PCDHGB3: variants seen among roughly 807,000 people sequenced by gnomAD.
PCDHGB3 encodes the protein protocadherin gamma-B3.
Under a neutral mutation model 59.2 loss-of-function variants are expected in PCDHGB3, and 40 were observed. The observed-to-expected ratio is 0.68, with a 90% CI of 0.52 to 0.88. The LOEUF (loss-of-function observed/expected upper bound fraction) is 0.88, where lower values mean the gene tolerates loss of function less well. Ranked by LOEUF, PCDHGB3 falls within the 40% of genes least tolerant of loss-of-function variation. The probability of loss-of-function intolerance (pLI) is 0.00; values close to 1 mark genes in which losing one functional copy is unlikely to be tolerated. For missense variants in PCDHGB3, 1,309 were observed against 1,187.9 expected (o/e 1.10, Z -1.50); for synonymous variants, 581 against 503.6 (o/e 1.15, Z -2.06).
intron 1 of PCDHGB3, chr5:141,414,597 C>G: frequency 6.2e-7 from 1 of 1,613,972 alleles, no homozygotes; most frequent in South Asian, 1.1e-5. Context: ...GGGGTGCCTC[C>G]ATCTTCTCAG....
intron 1 of PCDHGB3, among the ~76,000 whole-genome samples, chr5:141,483,547 G>A (rs1202182188): frequency 6.6e-6 from 1 of 152,140 alleles, no homozygotes. Context: ...GGTTGACAGT[G>A]CCATTCACAG....
At chr5:141,403,579 C>T in intron 1 of PCDHGB3, 2 of 1,613,926 alleles carry the variant, frequency 1.2e-6, no homozygotes, top group South Asian at 1.1e-5. Flanking sequence ...CTGCCCACCA[C>T]CTGGTCCTCA....
chr5:141,400,426 G>A (rs1346018954), intron 1 of PCDHGB3: 1 of 1,614,060 alleles, frequency 6.2e-7, no homozygotes, highest in Non-Finnish European at 8.5e-7. Flanking sequence ...AAAATGTAGT[G>A]AGCAATTGAG....
At chr5:141,472,066 T>C (rs1440684719) in intron 1 of PCDHGB3, among the ~76,000 whole-genome samples, 1 of 152,140 alleles carries the variant, frequency 6.6e-6, no homozygotes, top group African/African-American at 2.4e-5. Flanking sequence ...GACATGTCTG[T>C]GGTTATATCA....
At chr5:141,475,500 T>C (rs1393586791) in intron 1 of PCDHGB3, among the ~76,000 whole-genome samples, 1 of 152,248 alleles carries the variant, frequency 6.6e-6, no homozygotes, top group East Asian at 1.9e-4. Flanking sequence ...ACTGAAATTA[T>C]TAATGTCTCC....
chr5:141,394,208 C>A (rs972602841), intron 1 of PCDHGB3: 6 of 1,613,930 alleles, frequency 3.7e-6, no homozygotes, highest in Non-Finnish European at 5.1e-6. Context: ...TAGAGAACAA[C>A]CTGAGAGGAG....
At position 141,371,305 on chromosome 5, in the gene PCDHGB3, T is replaced by G; in HGVS notation, c.911T>G (p.Ile304Ser). The change falls in exon 1 of 4, where the codon ATT becomes AGT. Residue 304 changes from isoleucine (I) to serine (S), a missense_variant. Physicochemically the swap from Ile to Ser is moderately radical, Grantham distance 142. Coordinates refer to ENST00000576222, the MANE Select transcript of PCDHGB3 (RefSeq NM_018924.5). ...LDSKTGELTTIGELDFEERDS... is the reference protein window; with the variant it reads ...LDSKTGELTTSGELDFEERDS... Reference sequence around the variant, plus strand: ...AGTAAAACGGGGGAACTCACCACTATTGGAGAACTGGACTTTGAAGAGAGA... The same window carrying G: ...AGTAAAACGGGGGAACTCACCACTAGTGGAGAACTGGACTTTGAAGAGAGA... 6.2e-7 allele frequency: 1 copy of G among 1,613,940 alleles called. No homozygotes were observed. The highest frequency in any genetic ancestry group is 8.5e-7 in the Non-Finnish European group (1 of 1,179,866).
intron 1 of PCDHGB3, among the ~76,000 whole-genome samples, chr5:141,402,781 T>G (rs1456317365): frequency 1.3e-5 from 2 of 152,200 alleles, no homozygotes; most frequent in Non-Finnish European, 2.9e-5. Context: ...GATTTCCAGT[T>G]CTGCGGCTAC....
rs967535805 is a variant in PCDHGB3 at position 141,490,206 on chromosome 5, C to T, written c.2416-4601C>T. 2.4e-5 allele frequency: 38 copies of T among 1,614,050 alleles called. No homozygotes were observed. In the Admixed American group the frequency reaches 5.0e-4, roughly 21 times the overall value. ...GTTTCTATGAAATTCATGCAAGAGCCCGTGACCAGGGACAGCCTGCCATGG... is the reference window on the plus strand; with the variant it reads ...GTTTCTATGAAATTCATGCAAGAGCTCGTGACCAGGGACAGCCTGCCATGG... On this transcript the variant is annotated intron_variant, in intron 1 of 3. Coordinates refer to ENST00000576222, the MANE Select transcript of PCDHGB3 (RefSeq NM_018924.5). This position sits in a 1 kb window ranked among gnomAD's most constrained non-coding sequence, Gnocchi z 5.4.
In PCDHGB3 at chr5:141,512,809, A is replaced by C. The variant is rs2099884438; in HGVS notation, c.*1636A>C. ...GTGTTTTGTGCTGTGTCCACGCGCT[A>C]AGGCGACCCCCTCCCCCGTACTGAC... On this transcript the variant is annotated 3_prime_UTR_variant, in exon 4 of 4. Coordinates refer to ENST00000576222, the MANE Select transcript of PCDHGB3 (RefSeq NM_018924.5). 6.6e-6 allele frequency: 1 copy of C among 152,130 alleles called. No homozygotes were observed. The highest frequency in any genetic ancestry group is 2.4e-5 in the African/African-American group (1 of 41,404). The allele number at this position is 152,130 out of a possible 1,614,324, so 9.4% of individuals were successfully genotyped here. A position where few individuals can be genotyped will look rare whatever the true frequency, so the allele number is the denominator to read the frequency against.
chr5:141,418,810 A>G lies in PCDHGB3; in HGVS notation c.2415+46001A>G, dbSNP rs149866479. The G allele has an allele frequency of 4.9e-3, 7,975 of 1,613,892 alleles. 44 individuals carry two copies. Among genetic ancestry groups the G allele is most frequent in the Admixed American group, 9.4e-3 (567 of 60,018 alleles). On this transcript the variant is annotated intron_variant, in intron 1 of 3. Coordinates refer to ENST00000576222, the MANE Select transcript of PCDHGB3 (RefSeq NM_018924.5). ...TTGAAGAAGTAGAAAGATATACGAT[A>G]AACATAGAAGCAAAAGACCGAGGAT...
intron 1 of PCDHGB3, among the ~76,000 whole-genome samples, chr5:141,469,667 T>C (rs62379201): frequency 0.22 from 32,952 of 152,218 alleles, 3,707 homozygotes; most frequent in African/African-American, 0.28. Flanking sequence ...CTTGTTCTAA[T>C]AAAACTACAT....
intron 1 of PCDHGB3, among the ~76,000 whole-genome samples, chr5:141,462,030 T>C (rs1283795051): frequency 3.9e-5 from 6 of 152,122 alleles, no homozygotes; most frequent in Non-Finnish European, 8.8e-5. Flanking sequence ...TTCATGTTGG[T>C]CAGGCGGGTC....
Position 141,494,864 on chromosome 5 carries a change from G to T in PCDHGB3, c.2473G>T (p.Gly825Cys), listed in dbSNP as rs773899530. 12 of 1,613,950 alleles carry T rather than the reference G, an allele frequency of 7.4e-6. No individual in the cohort carries two copies. Among genetic ancestry groups the T allele is most frequent in the South Asian group, 1.1e-5 (1 of 91,080 alleles). ...TCAGGCCCAGAGACCCGGCACCAGC[G>T]GGTAGGTGACTGATTCTCCAGCCCA... Reference protein sequence around the residue: ...FSQAQRPGTSGSQNGDDTGTW... With the variant: ...FSQAQRPGTSCSQNGDDTGTW... Residue 825 changes from glycine to cysteine, a missense_variant and splice_region_variant, in exon 2 of 4, where the codon GGC becomes TGC. Physicochemically the swap from Gly to Cys is radical, Grantham distance 159 (BLOSUM62 -3). Coordinates refer to ENST00000576222, the MANE Select transcript of PCDHGB3 (RefSeq NM_018924.5).
intron 1 of PCDHGB3, chr5:141,375,382 T>C (rs1197726438): frequency 6.2e-7 from 1 of 1,613,986 alleles, no homozygotes; most frequent in Non-Finnish European, 8.5e-7. Flanking sequence ...CACCTCTGTC[T>C]ACAGAAACAA....
At chr5:141,461,757 G>A (rs2099022119) in intron 1 of PCDHGB3, among the ~76,000 whole-genome samples, 1 of 151,994 alleles carries the variant, frequency 6.6e-6, no homozygotes, top group Non-Finnish European at 1.5e-5. Context: ...AGATTCAAGC[G>A]ATTCTCCTGC....
chr5:141,392,463 AT>A (rs770659302), intron 1 of PCDHGB3: 30 of 173,504 alleles, frequency 1.7e-4, no homozygotes, highest in Non-Finnish European at 2.8e-4. Context: ...TTACGGATAA[AT>A]CAAATAAATT....
rs182905441 is a variant in PCDHGB3, at chr5:141,450,871, C to A, written c.2416-43936C>A. Among the ~76,000 whole-genome samples, 581 of 149,672 alleles carry A rather than the reference C, an allele frequency of 3.9e-3. 6 individuals carry two copies. Among genetic ancestry groups the A allele is most frequent in the Admixed American group, 0.011 (168 of 14,998 alleles). ...ATGGGGTCTTGCTCTGTCACCCAGGCTGGTGTGCAGTGGTGCGATATCGGC... is the reference window on the plus strand; with the variant it reads ...ATGGGGTCTTGCTCTGTCACCCAGGATGGTGTGCAGTGGTGCGATATCGGC... On this transcript the variant is annotated intron_variant, in intron 1 of 3. Coordinates refer to ENST00000576222, the MANE Select transcript of PCDHGB3 (RefSeq NM_018924.5).
intron 1 of PCDHGB3, chr5:141,426,739 GC>G (rs1345744337): frequency 8.8e-6 from 4 of 453,408 alleles, no homozygotes; most frequent in Non-Finnish European, 1.8e-5. Flanking sequence ...ATTCGGTTTG[GC>G]CTGGAATCTG....
Sources: allele counts gnomAD v4.1 joint callset (sites outside exome capture counted in the v4.1 genomes callset), GRCh38; gene constraint gnomAD v4.1.1; non-coding constraint Gnocchi (gnomAD v3.1); transcripts MANE v1.5; gene names NCBI Gene and HGNC (gene_info 2026-07-23, HGNC 2026-07-21).